ATF6: variants seen among roughly 807,000 people sequenced by gnomAD.
The protein encoded by ATF6 is cyclic AMP-dependent transcription factor ATF-6 alpha.
In ATF6, 53 loss-of-function variants were observed where a neutral mutation model predicts 83.6. That is an observed-to-expected ratio of 0.63 (90% CI 0.51 to 0.80). ATF6 has a LOEUF of 0.80. ATF6 is among the 30% of genes least tolerant of loss of function. The pLI, the probability that ATF6 is intolerant of heterozygous loss-of-function variation, is 0.00. For missense variants in ATF6, 744 were observed against 797.9 expected, an observed-to-expected ratio of 0.93 and a Z score of 0.81; for synonymous variants, 288 against 285.8, an observed-to-expected ratio of 1.01 and a Z score of -0.08.
intron 12 of ATF6, among the ~76,000 whole-genome samples, chr1:161,857,146 G>A (rs10918079): frequency 0.14 from 21,570 of 151,986 alleles, 2,092 homozygotes; most frequent in East Asian, 0.31. Flanking sequence ...TCTGTTTCTT[G>A]GTGTAAAGAG....
chr1:161,849,963 GTGT>G (rs1364766970), intron 10 of ATF6, among the ~76,000 whole-genome samples: 1 of 152,034 alleles, frequency 6.6e-6, no homozygotes, highest in East Asian at 1.9e-4. Flanking sequence ...CTTTCAACAA[GTGT>G]TGTTGATACT....
chr1:161,865,109 G>A (rs1036617003), intron 14 of ATF6, among the ~76,000 whole-genome samples: 2 of 151,850 alleles, frequency 1.3e-5, no homozygotes, highest in Non-Finnish European at 2.9e-5. Context: ...GGTTAGTAAT[G>A]TTTTTCTAAG....
chr1:161,901,736 A>G (rs1687791698), intron 14 of ATF6, among the ~76,000 whole-genome samples: 1 of 152,160 alleles, frequency 6.6e-6, no homozygotes, highest in Admixed American at 6.5e-5. Flanking sequence ...GATACTACAT[A>G]AAAACTCAGC....
In ATF6 at chr1:161,927,878, A is replaced by G. The variant is rs561734776; in HGVS notation, c.1804+15498A>G. On this transcript the variant is annotated intron_variant, in intron 15 of 15. Coordinates refer to ENST00000367942, the MANE Select transcript of ATF6 (RefSeq NM_007348.4). Reference sequence around the variant, plus strand: ...TACTGTTGGAATAATAAGAGTAGAAATGAGTAAAATTAAGTATTTACAAGG... The same window carrying G: ...TACTGTTGGAATAATAAGAGTAGAAGTGAGTAAAATTAAGTATTTACAAGG... Among the ~76,000 whole-genome samples, 4 of 152,360 alleles carry G rather than the reference A, an allele frequency of 2.6e-5. No homozygotes were observed. In the South Asian group the frequency reaches 8.3e-4, roughly 32 times the overall value.
Position 161,846,470 on chromosome 1 carries a change from G to T in ATF6, c.1209G>T (p.Arg403Ser), listed in dbSNP as rs1234446135. 1.2e-6 allele frequency: 2 copies of T among 1,605,704 alleles called. No homozygotes were observed. Among genetic ancestry groups the T allele is most frequent in the Admixed American group, 1.7e-5 (1 of 58,396 alleles). The change falls in exon 10 of 16, where the codon AGG (arginine) becomes AGT (serine). Residue 403 changes from arginine (R) to serine (S), a missense_variant. Coordinates refer to ENST00000367942, the MANE Select transcript of ATF6 (RefSeq NM_007348.4). ...TCAGCATGTTGGAACAGGATTCCAG[G>T]AGAATGAACCCTAGTGTGAGCCCTG... ...GPMSMLEQDS[R>S]RMNPSVSPAN...
At chr1:161,916,906 C>T (rs1688112844) in intron 15 of ATF6, among the ~76,000 whole-genome samples, 1 of 152,178 alleles carries the variant, frequency 6.6e-6, no homozygotes, top group Non-Finnish European at 1.5e-5. Context: ...TCGTTCCCCT[C>T]CTGTACATTT....
chr1:161,861,855 C>T (rs1471825299), intron 13 of ATF6, among the ~76,000 whole-genome samples: 5 of 152,048 alleles, frequency 3.3e-5, no homozygotes, highest in African/African-American at 9.7e-5. Context: ...GAAATGGCCC[C>T]GAGGCATATT....
intron 9 of ATF6, among the ~76,000 whole-genome samples, chr1:161,843,864 A>T (rs1686414281): frequency 6.6e-6 from 1 of 152,160 alleles, no homozygotes; most frequent in Admixed American, 6.6e-5. Flanking sequence ...TTCTTTTGCT[A>T]ATGAGGAGCC....
chr1:161,809,376 T>C (rs925962199), intron 7 of ATF6, among the ~76,000 whole-genome samples: 37 of 152,302 alleles, frequency 2.4e-4, no homozygotes, highest in African/African-American at 8.7e-4. Flanking sequence ...CATGAACTTA[T>C]CCTTTTTTAT....
At chr1:161,791,048 G>A (rs894928552) in intron 4 of ATF6, among the ~76,000 whole-genome samples, 5 of 150,080 alleles carry the variant, frequency 3.3e-5, no homozygotes, top group African/African-American at 9.9e-5. Context: ...GTATGACTAC[G>A]AACCAAGTTT....
At chr1:161,793,907 T>C (rs1684944198) in intron 6 of ATF6, among the ~76,000 whole-genome samples, 2 of 151,896 alleles carry the variant, frequency 1.3e-5, no homozygotes, top group African/African-American at 4.8e-5. Context: ...GCACCTTGCC[T>C]GTTTTTTTTC....
chr1:161,905,827 T>C (rs762508536), intron 14 of ATF6, among the ~76,000 whole-genome samples: 9 of 151,584 alleles, frequency 5.9e-5, no homozygotes, highest in Non-Finnish European at 1.3e-4. Flanking sequence ...TGTTGTTTTG[T>C]TTTTTGTTTT....
intron 9 of ATF6, among the ~76,000 whole-genome samples, chr1:161,842,887 C>T (rs1025747538): frequency 6.6e-6 from 1 of 152,196 alleles, no homozygotes; most frequent in Middle Eastern, 3.2e-3. Flanking sequence ...CCACACAGTT[C>T]AAAAACAATC....
intron 14 of ATF6, among the ~76,000 whole-genome samples, chr1:161,878,834 A>T (rs374784535): frequency 6.6e-6 from 1 of 152,196 alleles, no homozygotes; most frequent in Non-Finnish European, 1.5e-5. Flanking sequence ...TAGTGATGAC[A>T]TGAAACATAA....
intron 15 of ATF6, among the ~76,000 whole-genome samples, chr1:161,935,254 C>T (rs1688514252): frequency 2.0e-5 from 3 of 152,258 alleles, no homozygotes; most frequent in Non-Finnish European, 4.4e-5. Context: ...TTCCTGTAAA[C>T]TAAGCGTTTG....
At chr1:161,866,449 A>G (rs547856771) in intron 14 of ATF6, among the ~76,000 whole-genome samples, 11 of 152,334 alleles carry the variant, frequency 7.2e-5, no homozygotes, top group African/African-American at 2.4e-4. Context: ...AAAAATGCTT[A>G]TGATCCCAGT....
Position 161,912,290 on chromosome 1 carries a change from T to C in ATF6, c.1720-6T>C. ...TATATAACAGATTGTTCTTTGTTAA[T>C]TTTAGGATCACCTGCTGTTACCAGC... On this transcript the variant is annotated splice_region_variant and splice_polypyrimidine_tract_variant and intron_variant, in intron 14 of 15. Coordinates refer to ENST00000367942, the MANE Select transcript of ATF6 (RefSeq NM_007348.4). 1 of 1,599,180 alleles carries C rather than the reference T, an allele frequency of 6.3e-7. No homozygotes were observed. The highest frequency in any genetic ancestry group is 1.1e-5 in the South Asian group (1 of 88,496).
intron 1 of ATF6, among the ~76,000 whole-genome samples, chr1:161,775,036 T>C (rs1244537621): frequency 6.6e-6 from 1 of 152,072 alleles, no homozygotes; most frequent in Non-Finnish European, 1.5e-5. Context: ...GCCTGGAAAA[T>C]CTTGGGCCAG....
chr1:161,827,194 A>G (rs1404840014), intron 9 of ATF6, among the ~76,000 whole-genome samples: 2 of 151,916 alleles, frequency 1.3e-5, no homozygotes, highest in Admixed American at 6.6e-5. Context: ...GCCTCCCAAA[A>G]TGCTGGGATT....
Sources: allele counts gnomAD v4.1 joint callset (sites outside exome capture counted in the v4.1 genomes callset), GRCh38; gene constraint gnomAD v4.1.1; transcripts MANE v1.5; gene names NCBI Gene and HGNC (gene_info 2026-07-23, HGNC 2026-07-21).